The following DNAI1 variants were observed in gnomAD, a reference collection of about 807,000 sequenced individuals.
The protein encoded by DNAI1 is dynein axonemal intermediate chain 1.
A neutral mutation model predicts 92.0 loss-of-function variants in DNAI1; 67 were observed. That is an observed-to-expected ratio of 0.73 (90% CI 0.60 to 0.89). The LOEUF is 0.89. Ranked by LOEUF, DNAI1 falls within the 40% of genes least tolerant of loss-of-function variation. The pLI, the probability that DNAI1 is intolerant of heterozygous loss-of-function variation, is 0.00. For missense variants in DNAI1, 839 were observed against 866.6 expected (o/e 0.97, Z 0.40); for synonymous variants, 323 against 319.6 (o/e 1.01, Z -0.11).
At chr9:34,510,807 C>T (rs565070868) in intron 13 of DNAI1, among the ~76,000 whole-genome samples, 1 of 152,288 alleles carries the variant, frequency 6.6e-6, no homozygotes, top group African/African-American at 2.4e-5. Flanking sequence ...AAGGGACCAC[C>T]TTTACACAGA....
At chr9:34,467,388 A>G (rs1824057232) in intron 1 of DNAI1, among the ~76,000 whole-genome samples, 1 of 151,642 alleles carries the variant, frequency 6.6e-6, no homozygotes, top group Non-Finnish European at 1.5e-5. Flanking sequence ...ACTTGAGCCT[A>G]GGAGTTTGAG....
At chr9:34,506,982 G>C in intron 13 of DNAI1, 108 bp downstream of exon 13, 1 of 1,491,706 alleles carries the variant, frequency 6.7e-7, no homozygotes, top group Middle Eastern at 2.2e-4. Context: ...AAGGAGATGA[G>C]GATGGCAGGT....
intron 1 of DNAI1, among the ~76,000 whole-genome samples, chr9:34,469,853 T>C (rs1824106764): frequency 6.6e-6 from 1 of 152,202 alleles, no homozygotes; most frequent in Non-Finnish European, 1.5e-5. Flanking sequence ...GTGCTGAGAT[T>C]ACAGGCGTGA....
At chr9:34,512,509 CTGAG>C in intron 15 of DNAI1, 85 bp downstream of exon 15, 1 of 1,299,462 alleles carries the variant, frequency 7.7e-7, no homozygotes, top group Non-Finnish European at 1.1e-6. Flanking sequence ...CTTCCCCTGA[CTGAG>C]TGCTCCCTCC....
At chr9:34,501,834 C>G (rs1342258559) in intron 12 of DNAI1, among the ~76,000 whole-genome samples, 1 of 152,162 alleles carries the variant, frequency 6.6e-6, no homozygotes, top group Non-Finnish European at 1.5e-5. Context: ...AGAGTGTGCC[C>G]GCCCCTGCCA....
intron 13 of DNAI1, among the ~76,000 whole-genome samples, chr9:34,507,813 C>T (rs1176303833): frequency 1.3e-5 from 2 of 152,240 alleles, no homozygotes; most frequent in Non-Finnish European, 1.5e-5. Flanking sequence ...CTGAGCCTCT[C>T]TGTAGCACCC....
chr9:34,489,224 A>G lies in DNAI1; in HGVS notation c.262-99A>G. 2.1e-6 allele frequency: 3 copies of G among 1,448,868 alleles called. No homozygotes were observed. The South Asian group carries it at 3.4e-5, about 17-fold the overall frequency. The allele number at this position is 1,448,868 out of a possible 1,614,324, so 89.8% of individuals were successfully genotyped here. ...TTGGTGAGTTACATTTCCTTTAACA[A>G]AGATGGACTGTCTTTGATCTTAGAG... On this transcript the variant is annotated intron_variant, in intron 4 of 19. Transcript: ENST00000242317.
intron 12 of DNAI1, among the ~76,000 whole-genome samples, chr9:34,502,924 G>A (rs922027110): frequency 5.3e-5 from 8 of 152,142 alleles, no homozygotes; most frequent in African/African-American, 1.9e-4. Flanking sequence ...AGGTACGCTT[G>A]AGAGAGAAGA....
chr9:34,496,231 G>A (rs1173954256), intron 9 of DNAI1, among the ~76,000 whole-genome samples: 1 of 152,218 alleles, frequency 6.6e-6, no homozygotes, highest in Non-Finnish European at 1.5e-5. Flanking sequence ...AGGAGTGCAG[G>A]TCTGTGCGGC....
chr9:34,498,080 A>C (rs1385504957), intron 10 of DNAI1, among the ~76,000 whole-genome samples: 1 of 152,138 alleles, frequency 6.6e-6, no homozygotes, highest in East Asian at 1.9e-4. Flanking sequence ...GATTGTGTAG[A>C]ATATAGGGCA....
rs776102304 is a variant in DNAI1, at chr9:34,483,492, G to C, written c.81+12G>C. 6 of 1,611,292 alleles carry C rather than the reference G, an allele frequency of 3.7e-6. No homozygotes were observed. In the Admixed American group the frequency reaches 8.3e-5, roughly 22 times the overall value. Reference sequence around the variant, plus strand: ...GAACCAGGAAGAGAGTAAGTGCTGAGACTACCATGGTCTCTCAGCAAGATG... The same window carrying C: ...GAACCAGGAAGAGAGTAAGTGCTGACACTACCATGGTCTCTCAGCAAGATG... On this transcript the variant is annotated intron_variant, in intron 2 of 19. Transcript: ENST00000242317.
intron 13 of DNAI1, among the ~76,000 whole-genome samples, chr9:34,510,726 A>G (rs1210389371): frequency 1.3e-5 from 2 of 151,950 alleles, no homozygotes; most frequent in Non-Finnish European, 2.9e-5. Context: ...CTCATTAAAC[A>G]CTTCCCTTTG....
intron 2 of DNAI1, 91 bp downstream of exon 2, chr9:34,483,571 A>C (rs73500812): frequency 1.8e-5 from 22 of 1,253,768 alleles, no homozygotes; most frequent in Non-Finnish European, 2.5e-5. Context: ...AGAAAATGCA[A>C]ATGAACTAAA....
At chr9:34,520,204 C>A (rs556626770) in intron 19 of DNAI1, among the ~76,000 whole-genome samples, 23 of 152,252 alleles carry the variant, frequency 1.5e-4, no homozygotes, top group Middle Eastern at 3.4e-3. Flanking sequence ...GAGGTCCGGG[C>A]CCCTGAGGCT....
At chr9:34,476,648 G>C (rs1337712061) in intron 1 of DNAI1, among the ~76,000 whole-genome samples, 3 of 152,188 alleles carry the variant, frequency 2.0e-5, no homozygotes, top group African/African-American at 7.2e-5. Flanking sequence ...CCTGACAGAA[G>C]GGTGGCCAGA....
intron 12 of DNAI1, among the ~76,000 whole-genome samples, chr9:34,506,131 C>A (rs959871503): frequency 1.3e-5 from 2 of 152,138 alleles, no homozygotes; most frequent in African/African-American, 4.8e-5. Flanking sequence ...GAACCTGGGA[C>A]TGTGGGGATA....
At chr9:34,470,341 C>T (rs1452834216) in intron 1 of DNAI1, among the ~76,000 whole-genome samples, 2 of 151,990 alleles carry the variant, frequency 1.3e-5, no homozygotes, top group Non-Finnish European at 2.9e-5. Context: ...AAGAAAAAAA[C>T]AACTATATGT....
chr9:34,508,805 C>G (rs1824998481), intron 13 of DNAI1, among the ~76,000 whole-genome samples: 1 of 152,164 alleles, frequency 6.6e-6, no homozygotes, highest in South Asian at 2.1e-4. Flanking sequence ...AAGACAGGAA[C>G]TCAGCTGGAC....
chr9:34,489,546 G>T, intron 5 of DNAI1, 97 bp downstream of exon 5: 2 of 1,451,520 alleles, frequency 1.4e-6, no homozygotes, highest in Non-Finnish European at 9.6e-7. Flanking sequence ...ACTTTTCAGA[G>T]CTTCTGCTAA....
Sources: allele counts gnomAD v4.1 joint callset (sites outside exome capture counted in the v4.1 genomes callset), GRCh38; gene constraint gnomAD v4.1.1; transcripts MANE v1.5; gene names NCBI Gene and HGNC (gene_info 2026-07-23, HGNC 2026-07-21).